KIF13B: variants seen among roughly 807,000 people sequenced by gnomAD.
The protein encoded by KIF13B is kinesin family member 13B.
In KIF13B, 127 loss-of-function variants were observed where a neutral mutation model predicts 222.0. The ratio of observed to expected loss-of-function variants is 0.57; its 90% CI spans 0.50 to 0.66. KIF13B has a LOEUF of 0.66. KIF13B is among the 30% of genes least tolerant of loss of function. The pLI is 0.00. For synonymous variants in KIF13B, 976 were observed against 919.0 expected (o/e 1.06, Z -1.12); for missense variants, 2,173 against 2,379.0 (o/e 0.91, Z 1.80).
At chr8:29,085,651 G>A (rs1354742655) in intron 37 of KIF13B, among the ~76,000 whole-genome samples, 1 of 146,774 alleles carries the variant, frequency 6.8e-6, no homozygotes, top group Non-Finnish European at 1.5e-5. Context: ...AGATAAAGGT[G>A]TGAGCCACAG....
In KIF13B at chr8:29,133,447, T is replaced by C. The variant is rs1202143133; in HGVS notation, c.2784+593A>G. On this transcript the variant is annotated intron_variant, in intron 22 of 39. Transcript: ENST00000524189. ...CTACTAAAAATACAAAAAAATTAGC[T>C]GCGCATGGTGGCAAGCACCTGTAAT... Among the ~76,000 whole-genome samples, 6 of 152,018 alleles carry C rather than the reference T, an allele frequency of 3.9e-5. No individual in the cohort carries two copies. The East Asian group carries it at 1.2e-3, about 29-fold the overall frequency.
At chr8:29,121,901 A>C (rs2129729554) in intron 29 of KIF13B, among the ~76,000 whole-genome samples, 1 of 152,316 alleles carries the variant, frequency 6.6e-6, no homozygotes, top group South Asian at 2.1e-4. Context: ...ACAAGAAGGA[A>C]ACATGCTTCA....
At chr8:29,127,399 A>AG (rs1810161824) in intron 24 of KIF13B, 131 bp from the exon 25 acceptor site, 1 of 625,896 alleles carries the variant, frequency 1.6e-6, no homozygotes, top group Admixed American at 2.9e-5. Context: ...CTTATTGTTA[A>AG]GCATTAAAAT....
chr8:29,107,972 T>C (rs529761660), intron 35 of KIF13B, among the ~76,000 whole-genome samples, 167 bp downstream of exon 35: 14 of 152,296 alleles, frequency 9.2e-5, no homozygotes, highest in Admixed American at 3.3e-4. Context: ...CTTATTTTAA[T>C]TGGCAAATTA....
intron 31 of KIF13B, among the ~76,000 whole-genome samples, chr8:29,114,214 A>G (rs970422106): frequency 6.6e-6 from 1 of 152,216 alleles, no homozygotes. Context: ...GGGAGAGCAC[A>G]TGAAATGGGC....
At chr8:29,256,131 A>G (rs1816469837) in intron 1 of KIF13B, among the ~76,000 whole-genome samples, 1 of 152,220 alleles carries the variant, frequency 6.6e-6, no homozygotes, top group Admixed American at 6.5e-5. Flanking sequence ...CATCTTATTC[A>G]TAGTTGCAGG....
At chr8:29,167,620 A>C (rs764284523) in intron 10 of KIF13B, 35 bp from the exon 11 acceptor site, 2 of 1,555,574 alleles carry the variant, frequency 1.3e-6, no homozygotes, top group African/African-American at 2.7e-5. Context: ...GTAGCATATT[A>C]AAGTTGGAAG....
intron 1 of KIF13B, among the ~76,000 whole-genome samples, chr8:29,251,684 T>C (rs1327168772): frequency 3.3e-5 from 5 of 152,260 alleles, no homozygotes; most frequent in Admixed American, 1.3e-4. Context: ...ATTCTGCGAA[T>C]AGATGGTGGT....
intron 37 of KIF13B, among the ~76,000 whole-genome samples, chr8:29,092,363 C>T (rs1808339069): frequency 6.6e-6 from 1 of 152,100 alleles, no homozygotes; most frequent in Non-Finnish European, 1.5e-5. Flanking sequence ...GGGAAGGGCA[C>T]TCATGATATA....
rs767552972 is a variant in KIF13B, at chr8:29,148,746, T to A, written c.1644A>T (p.Lys548Asn). ...CCTCATCCTCTCGTTCTGCTTTCTT[T>A]TTCTTTTTAGGCAAATTGAGTCTTG... ...HFFRLNLPKK[K>N]KKAEREDEDQ... is the part of the protein sequence containing the mutation. Residue 548 changes from lysine to asparagine, a missense_variant, in exon 16 of 40, where the codon AAA becomes AAT. Physicochemically the swap from Lys to Asn is moderately conservative, Grantham distance 94. Around this residue, in one of 2 missense-constraint regions of KIF13B, gnomAD observed 1,480 missense variants for 1,722.8 expected, o/e 0.86. Coordinates refer to ENST00000524189, the MANE Select transcript of KIF13B (RefSeq NM_015254.4). 6.3e-7 allele frequency: 1 copy of A among 1,598,664 alleles called. No individual in the cohort carries two copies. The highest frequency in any genetic ancestry group is 2.2e-5 in the East Asian group (1 of 44,602).
chr8:29,136,194 TTAAG>T (rs1810547962), intron 21 of KIF13B, among the ~76,000 whole-genome samples: 1 of 152,232 alleles, frequency 6.6e-6, no homozygotes, highest in Admixed American at 6.5e-5. Flanking sequence ...CATTTTCTCA[TTAAG>T]TGTTTTTAAA....
chr8:29,133,215 G>C (rs1204783899), intron 22 of KIF13B, among the ~76,000 whole-genome samples: 1 of 152,214 alleles, frequency 6.6e-6, no homozygotes, highest in Non-Finnish European at 1.5e-5. Flanking sequence ...GGACAAACCA[G>C]TGAAGAACTA....
At chr8:29,145,086 C>T (rs549814756) in intron 18 of KIF13B, among the ~76,000 whole-genome samples, 1 of 152,340 alleles carries the variant, frequency 6.6e-6, no homozygotes, top group Admixed American at 6.5e-5. Context: ...TGAACCTTCT[C>T]CTTGTGACTG....
At chr8:29,124,883 CAAAA>C (rs35910865) in intron 26 of KIF13B, among the ~76,000 whole-genome samples, 1 of 125,746 alleles carries the variant, frequency 8.0e-6, no homozygotes. Flanking sequence ...AACTCCATCC[CAAAA>C]AAAAAAAAAA....
intron 22 of KIF13B, among the ~76,000 whole-genome samples, chr8:29,133,751 T>C (rs1490755589): frequency 5.3e-5 from 8 of 152,256 alleles, no homozygotes; most frequent in Non-Finnish European, 1.2e-4. Flanking sequence ...AACACAAGTT[T>C]CTTAACTGTT....
chr8:29,155,563 G>C (rs143797869), intron 14 of KIF13B, among the ~76,000 whole-genome samples, 163 bp downstream of exon 14: 1 of 152,282 alleles, frequency 6.6e-6, no homozygotes, highest in African/African-American at 2.4e-5. Flanking sequence ...AGAGAGGAAG[G>C]AATGGGTGTG....
chr8:29,141,297 G>A (rs892430208), intron 19 of KIF13B, among the ~76,000 whole-genome samples: 10 of 151,316 alleles, frequency 6.6e-5, no homozygotes, highest in African/African-American at 1.9e-4. Flanking sequence ...TCGTGCCACT[G>A]CACTCCAGCC....
chr8:29,074,721 G>A (rs1050061852), intron 38 of KIF13B, among the ~76,000 whole-genome samples: 7 of 152,200 alleles, frequency 4.6e-5, no homozygotes, highest in Admixed American at 2.0e-4. Context: ...GTAAATTCAC[G>A]GAGATCTGAA....
At chr8:29,135,708 G>A (rs1417606576) in intron 21 of KIF13B, among the ~76,000 whole-genome samples, 7 of 152,016 alleles carry the variant, frequency 4.6e-5, no homozygotes, top group Non-Finnish European at 5.9e-5. Context: ...CAACCTGGCC[G>A]ACATGGTGAA....
Sources: allele counts gnomAD v4.1 joint callset (sites outside exome capture counted in the v4.1 genomes callset), GRCh38; gene constraint gnomAD v4.1.1; regional missense constraint gnomAD v4.1.1; transcripts MANE v1.5; gene names NCBI Gene and HGNC (gene_info 2026-07-23, HGNC 2026-07-21).